VPS16: variants seen among roughly 807,000 people sequenced by gnomAD.
The protein encoded by VPS16 is vacuolar protein sorting-associated protein 16 homolog.
In VPS16, 82 loss-of-function variants were observed where a neutral mutation model predicts 116.0. That is an observed-to-expected ratio of 0.71 (90% CI 0.59 to 0.85). The LOEUF is 0.85. Ranked by LOEUF, VPS16 falls within the 40% of genes least tolerant of loss-of-function variation. VPS16 has a pLI of 0.00. For synonymous variants in VPS16, 406 were observed against 420.7 expected, an observed-to-expected ratio of 0.96 and a Z score of 0.43; for missense variants, 928 against 1,090.6, an observed-to-expected ratio of 0.85 and a Z score of 2.10.
intron 1 of VPS16, among the ~76,000 whole-genome samples, chr20:2,859,134 C>CA (rs1422934863): frequency 4.6e-5 from 7 of 151,892 alleles, no homozygotes. Context: ...TCCATCTCTA[C>CA]AAAAAATACA....
At chr20:2,856,347 A>G (rs2089171810) in intron 1 of VPS16, among the ~76,000 whole-genome samples, 1 of 152,222 alleles carries the variant, frequency 6.6e-6, no homozygotes, top group Non-Finnish European at 1.5e-5. Context: ...ATCACAGATC[A>G]CCATATCAGA....
intron 1 of VPS16, among the ~76,000 whole-genome samples, chr20:2,849,472 G>C (rs997869325): frequency 6.6e-6 from 1 of 151,916 alleles, no homozygotes; most frequent in Non-Finnish European, 1.5e-5. Flanking sequence ...AGCTAATTTT[G>C]TATTTTTAGT....
Position 2,863,804 on chromosome 20 carries a change from GAGAGAGAAAGAAGAA to G in VPS16, c.1477-132_1477-118del, listed in dbSNP as rs1015399848. The G allele has an allele frequency of 9.2e-5, 109 of 1,191,254 alleles. No homozygotes were observed. The East Asian group carries it at 2.1e-3, about 23-fold the overall frequency. 73.8% of individuals were successfully genotyped at this position (1,191,254 alleles called of 1,614,324 possible). A position where few individuals can be genotyped will look rare whatever the true frequency, so the allele number is the denominator to read the frequency against. On this transcript the variant is annotated intron_variant, in intron 15 of 23. Coordinates refer to ENST00000380445, the MANE Select transcript of VPS16 (RefSeq NM_022575.4). The surrounding 1 kb of genome is among the most constrained non-coding windows in gnomAD (Gnocchi z 4.4). ...TGGCGGGGGCGGAGGAGGAGGGAAA[GAGAGAGAAAGAAGAA>G]AGAGAGAAAGAAAGAAAGAAGAAGG...
chr20:2,842,947 G>A (rs1274377274), intron 1 of VPS16, among the ~76,000 whole-genome samples: 1 of 52,498 alleles, frequency 1.9e-5, no homozygotes, highest in Admixed American at 1.9e-4. Flanking sequence ...ACATTGCATG[G>A]GGGTCTTACT....
Position 2,852,715 on chromosome 20 carries a change from G to A in VPS16, c.54-7004G>A, listed in dbSNP as rs1485551472. ...TAGCATTATGTCTAAACAAAAGTACGTAACTTAAAAATACTTTATTGCTAA... is the reference window on the plus strand; with the variant it reads ...TAGCATTATGTCTAAACAAAAGTACATAACTTAAAAATACTTTATTGCTAA... On this transcript the variant is annotated intron_variant, in intron 1 of 23. Coordinates refer to ENST00000380445, the MANE Select transcript of VPS16 (RefSeq NM_022575.4). Among the ~76,000 whole-genome samples the A allele has an allele frequency of 3.3e-5, 5 of 152,286 alleles. No homozygotes were observed. The East Asian group carries it at 5.8e-4, about 18-fold the overall frequency.
In VPS16 at chr20:2,860,640, G is replaced by T; in HGVS notation, c.514+47G>T. 1.2e-6 allele frequency: 2 copies of T among 1,610,620 alleles called. No homozygotes were observed. Among genetic ancestry groups the T allele is most frequent in the South Asian group, 1.1e-5 (1 of 91,046 alleles). Reference sequence around the variant, plus strand: ...ATAGCCAAGCAGTACCCACAGATGTGCCTCTAGCCTGTGAGACCCATAAAA... The same window carrying T: ...ATAGCCAAGCAGTACCCACAGATGTTCCTCTAGCCTGTGAGACCCATAAAA... On this transcript the variant is annotated intron_variant, in intron 5 of 23. Coordinates refer to ENST00000380445, the MANE Select transcript of VPS16 (RefSeq NM_022575.4). The surrounding 1 kb of genome is among the most constrained non-coding windows in gnomAD (Gnocchi z 6.1).
In VPS16 at chr20:2,864,304, G is replaced by A; in HGVS notation, c.1720+17G>A. The A allele has an allele frequency of 6.2e-7, 1 of 1,614,060 alleles. No homozygotes were observed. Among genetic ancestry groups the A allele is most frequent in the Non-Finnish European group, 8.5e-7 (1 of 1,179,988 alleles). On this transcript the variant is annotated intron_variant, in intron 17 of 23. Coordinates refer to ENST00000380445, the MANE Select transcript of VPS16 (RefSeq NM_022575.4). The surrounding 1 kb of genome is among the most constrained non-coding windows in gnomAD (Gnocchi z 5.2). The stretch of plus-strand genomic sequence containing the variant: ...CTGACCTGGGTGAGGGCAAGGCTGG[G>A]GGGCCCCTGGGCTAAGTGGGAGCCT...
In VPS16 at chr20:2,865,934, G is replaced by A; in HGVS notation, c.2272-278G>A. The stretch of plus-strand genomic sequence containing the variant: ...ACAGGAAATGTGAGGGCTGGTGGCA[G>A]GAACGCCTGTTGCAAGGGGTAATGG... On this transcript the variant is annotated intron_variant, in intron 22 of 23. Transcript: ENST00000380445. This position sits in a 1 kb window ranked among gnomAD's most constrained non-coding sequence, Gnocchi z 5.2. The A allele has an allele frequency of 2.0e-6, 1 of 509,532 alleles. No homozygotes were observed. Among genetic ancestry groups the A allele is most frequent in the Admixed American group, 3.3e-5 (1 of 30,230 alleles). 31.6% of individuals were successfully genotyped at this position (509,532 alleles called of 1,614,324 possible). A position where few individuals can be genotyped will look rare whatever the true frequency, so the allele number is the denominator to read the frequency against.
chr20:2,856,980 CTTTTTT>C (rs3053469), intron 1 of VPS16, among the ~76,000 whole-genome samples: 73,633 of 142,092 alleles, frequency 0.52, 20,872 homozygotes, highest in African/African-American at 0.78. Flanking sequence ...TTTTCTTTTT[CTTTTTT>C]TTTTTTTTTG....
In VPS16 at chr20:2,859,712, T is replaced by A; in HGVS notation, c.54-7T>A. 1 of 1,613,018 alleles carries A rather than the reference T, an allele frequency of 6.2e-7. No individual in the cohort carries two copies. The highest frequency in any genetic ancestry group is 8.5e-7 in the Non-Finnish European group (1 of 1,179,574). ...AGGCTAATTTCTGCTCATCTCTGTG[T>A]GGGCAGGAAATATGAGCTGTACAGC... On this transcript the variant is annotated splice_region_variant and splice_polypyrimidine_tract_variant and intron_variant, in intron 1 of 23. Coordinates refer to ENST00000380445, the MANE Select transcript of VPS16 (RefSeq NM_022575.4).
Position 2,840,762 on chromosome 20 carries a change from G to A in VPS16, c.-13G>A, listed in dbSNP as rs1461706450. ...GTCCCCTCGGTGCTTCCCAGCTGCC[G>A]TCTGCACCAGCCATGGACTGCTACA... On this transcript the variant is annotated 5_prime_UTR_variant, in exon 1 of 24. Coordinates refer to ENST00000380445, the MANE Select transcript of VPS16 (RefSeq NM_022575.4). 2.6e-6 allele frequency: 4 copies of A among 1,548,052 alleles called. No individual in the cohort carries two copies. Among genetic ancestry groups the A allele is most frequent in the Middle Eastern group, 4.5e-4 (2 of 4,436 alleles).
At position 2,860,079 on chromosome 20, in the gene VPS16, G is replaced by A; in HGVS notation, c.168G>A (p.Lys56=). ...PIALLRNPWR[K]EKAASVRPVL... ...CACTGCTGAGGAACCCCTGGCGGAA[G>A]GAGAAAGCTGCTAGTGTGAGGCCAG... Residue 56 remains lysine, a synonymous_variant, in exon 3 of 24, where the codon AAG becomes AAA. Coordinates refer to ENST00000380445, the MANE Select transcript of VPS16 (RefSeq NM_022575.4). The surrounding 1 kb of genome is among the most constrained non-coding windows in gnomAD (Gnocchi z 6.1). 6.2e-7 allele frequency: 1 copy of A among 1,614,046 alleles called. No individual in the cohort carries two copies. The highest frequency in any genetic ancestry group is 8.5e-7 in the Non-Finnish European group (1 of 1,180,022).
chr20:2,861,612 C>T lies in VPS16; in HGVS notation c.810-3C>T, dbSNP rs188223663. ...CTAGCCAGTGTGTATATGCTGCTCA[C>T]AGGTGCAGCCGTCCTCGTAGCAAGG... On this transcript the variant is annotated splice_region_variant and splice_polypyrimidine_tract_variant and intron_variant, in intron 8 of 23. Transcript: ENST00000380445. 10 of 1,608,012 alleles carry T rather than the reference C, an allele frequency of 6.2e-6. No homozygotes were observed. The East Asian group carries it at 2.2e-4, about 36-fold the overall frequency.
At position 2,863,370 on chromosome 20, in the gene VPS16, G is replaced by T. The variant is rs144565249; in HGVS notation, c.1448G>T (p.Arg483Met). The change falls in exon 15 of 24, where the codon AGG (arginine) becomes ATG (methionine). Residue 483 changes from arginine to methionine, a missense_variant. Arg to Met is a moderately conservative substitution (Grantham distance 91, BLOSUM62 -1). Transcript: ENST00000380445. This position sits in a 1 kb window ranked among gnomAD's most constrained non-coding sequence, Gnocchi z 4.4. ...CTTCCTGAAGTACAGGGCGTCAGCAGGATCCTGGCCCACTGGGCCTGCTAC... is the reference window on the plus strand; with the variant it reads ...CTTCCTGAAGTACAGGGCGTCAGCATGATCCTGGCCCACTGGGCCTGCTAC... ...LRLPEVQGVS[R>M]ILAHWACYKV... The T allele has an allele frequency of 6.2e-7, 1 of 1,614,252 alleles. No homozygotes were observed. The highest frequency in any genetic ancestry group is 1.1e-5 in the South Asian group (1 of 91,086).
chr20:2,851,829 G>A (rs1398174901), intron 1 of VPS16, among the ~76,000 whole-genome samples: 1 of 152,146 alleles, frequency 6.6e-6, no homozygotes, highest in African/African-American at 2.4e-5. Flanking sequence ...AAATTAGCTG[G>A]GCGTGATGGC....
chr20:2,861,775 G>A (rs756674112), intron 9 of VPS16, 30 bp from the exon 10 acceptor site: 1 of 1,612,880 alleles, frequency 6.2e-7, no homozygotes, highest in South Asian at 1.1e-5. Flanking sequence ...CCCATCTGTA[G>A]GTGCTCTTAG....
At position 2,861,249 on chromosome 20, in the gene VPS16, A is replaced by G. The variant is rs2089224812; in HGVS notation, c.778A>G (p.Asn260Asp). Residue 260 changes from asparagine to aspartate, a missense_variant, in exon 8 of 24, where the codon AAC (asparagine) becomes GAC (aspartate). By Grantham distance (23) the Asn-to-Asp change is conservative. Transcript: ENST00000380445. The stretch of plus-strand genomic sequence containing the variant: ...GGAGAAGCTATGTGAGTTCAACTGC[A>G]ACATCCGGGCACCTCCAAAGCAGAT... ...LKEKLCEFNC[N>D]IRAPPKQMVW... 6.2e-7 allele frequency: 1 copy of G among 1,614,092 alleles called. No individual in the cohort carries two copies. Among genetic ancestry groups the G allele is most frequent in the African/African-American group, 1.3e-5 (1 of 74,942 alleles).
chr20:2,863,110 G>T lies in VPS16; in HGVS notation c.1367+10G>T, dbSNP rs1300185089. 1 of 1,613,910 alleles carries T rather than the reference G, an allele frequency of 6.2e-7. No homozygotes were observed. Among genetic ancestry groups the T allele is most frequent in the Admixed American group, 1.7e-5 (1 of 59,994 alleles). On this transcript the variant is annotated intron_variant, in intron 14 of 23. Coordinates refer to ENST00000380445, the MANE Select transcript of VPS16 (RefSeq NM_022575.4). The surrounding 1 kb of genome is among the most constrained non-coding windows in gnomAD (Gnocchi z 4.4). ...AGGTGCTGCTGGACAGGTAGGGTAA[G>T]CCCAAGGGTGCAGTGAGCGGGCTGT...
At chr20:2,850,982 AAG>A (rs2089114718) in intron 1 of VPS16, among the ~76,000 whole-genome samples, 2 of 144,122 alleles carry the variant, frequency 1.4e-5, no homozygotes, top group Non-Finnish European at 2.9e-5. Context: ...AAAAAAAAAA[AAG>A]AAAAAGAATA....
Sources: gnomAD v4.1 joint callset for allele counts (sites outside exome capture counted in the v4.1 genomes callset) on GRCh38, gnomAD v4.1.1 for gene constraint, Gnocchi (gnomAD v3.1) non-coding constraint, MANE v1.5 for transcripts, NCBI Gene and HGNC (gene_info 2026-07-23, HGNC 2026-07-21) for gene names.